The following LOXHD1 variants were observed in gnomAD, a reference collection of about 807,000 sequenced individuals.
LOXHD1 encodes lipoxygenase homology PLAT domains 1.
In LOXHD1, 205 loss-of-function variants were observed where a neutral mutation model predicts 248.2. That is an observed-to-expected ratio of 0.83 (90% CI 0.74 to 0.93). LOXHD1 has a LOEUF of 0.93. LOXHD1 is among the 40% of genes least tolerant of loss of function. The probability of loss-of-function intolerance (pLI) is 0.00; values close to 1 mark genes in which losing one functional copy is unlikely to be tolerated. For synonymous variants in LOXHD1, 1,113 were observed against 1,162.8 expected (o/e 0.96, Z 0.87); for missense variants, 2,930 against 2,971.6 (o/e 0.99, Z 0.33).
Position 46,601,277 on chromosome 18 carries a change from C to G in LOXHD1, c.1074G>C (p.Leu358=), listed in dbSNP as rs766075397. The G allele has an allele frequency of 2.6e-6, 4 of 1,551,614 alleles. No homozygotes were observed. In the South Asian group the frequency reaches 4.8e-5, roughly 18 times the overall value. Residue 358 remains leucine (L), a synonymous_variant, in exon 8 of 41, where the codon CTG becomes CTC. Coordinates refer to ENST00000642948, the MANE Select transcript of LOXHD1 (RefSeq NM_001384474.1). ...TGCCATGCCCGACGGAGACCCGACT[C>G]AGGGGGCTAAGGAGGACAGCCAGCT... ...HIELAVLLSP[L]SRVSVGHGNV...
chr18:46,581,950 C>T (rs1328389410), intron 12 of LOXHD1, among the ~76,000 whole-genome samples: 6 of 152,166 alleles, frequency 3.9e-5, no homozygotes, highest in Non-Finnish European at 1.5e-5. Context: ...CAAAAGCTAC[C>T]TTTCAAGAAT....
intron 8 of LOXHD1, among the ~76,000 whole-genome samples, chr18:46,599,584 AGATT>A (rs2038305106): frequency 6.6e-6 from 1 of 152,200 alleles, no homozygotes; most frequent in Non-Finnish European, 1.5e-5. Context: ...ATAAAGGAAA[AGATT>A]GATAAACTAG....
At chr18:46,579,091 T>C (rs1326862530) in intron 13 of LOXHD1, among the ~76,000 whole-genome samples, 1 of 152,240 alleles carries the variant, frequency 6.6e-6, no homozygotes, top group Non-Finnish European at 1.5e-5. Flanking sequence ...TTGATTTCTC[T>C]TTCCTAAAGG....
intron 2 of LOXHD1, among the ~76,000 whole-genome samples, chr18:46,647,701 A>G (rs1283324299): frequency 6.6e-6 from 1 of 152,176 alleles, no homozygotes; most frequent in African/African-American, 2.4e-5. Context: ...GGGACGTTAT[A>G]CCTGCCTCGA....
At chr18:46,511,418 G>T (rs1315180700) in intron 34 of LOXHD1, among the ~76,000 whole-genome samples, 2 of 152,148 alleles carry the variant, frequency 1.3e-5, no homozygotes, top group African/African-American at 4.8e-5. Flanking sequence ...CTACTCAAAG[G>T]ATCCTCTGCT....
intron 5 of LOXHD1, among the ~76,000 whole-genome samples, chr18:46,616,426 C>A (rs1040385204): frequency 1.3e-5 from 2 of 152,166 alleles, no homozygotes; most frequent in African/African-American, 4.8e-5. Context: ...CTCTCATCAT[C>A]CACTTTCCTT....
intron 6 of LOXHD1, among the ~76,000 whole-genome samples, chr18:46,606,739 T>A (rs1236365146): frequency 6.6e-6 from 1 of 152,204 alleles, no homozygotes; most frequent in African/African-American, 2.4e-5. Context: ...ATACATTTTA[T>A]ATATTACATA....
intron 4 of LOXHD1, among the ~76,000 whole-genome samples, chr18:46,626,533 A>G (rs904093598): frequency 6.6e-6 from 1 of 152,212 alleles, no homozygotes; most frequent in African/African-American, 2.4e-5. Context: ...GTGAGATGCC[A>G]TCTCAAAAAA....
At chr18:46,544,837 T>G (rs16978573) in intron 23 of LOXHD1, 1 of 471,570 alleles carries the variant, frequency 2.1e-6, no homozygotes, top group Non-Finnish European at 4.4e-6. Flanking sequence ...CACTAGGCTC[T>G]GGACCTGCAG....
intron 18 of LOXHD1, among the ~76,000 whole-genome samples, chr18:46,561,209 G>A (rs546779947): frequency 1.3e-5 from 2 of 152,306 alleles, no homozygotes; most frequent in South Asian, 2.1e-4. Context: ...GGGTTTAGCT[G>A]TGGTGCCGGT....
At chr18:46,513,310 T>C (rs1048491891) in intron 34 of LOXHD1, among the ~76,000 whole-genome samples, 15 of 152,206 alleles carry the variant, frequency 9.9e-5, no homozygotes, top group African/African-American at 3.6e-4. Context: ...GCCCCTGTGG[T>C]AGGCTGAAAA....
At chr18:46,606,092 A>C (rs556051387) in intron 6 of LOXHD1, among the ~76,000 whole-genome samples, 53 of 152,338 alleles carry the variant, frequency 3.5e-4, no homozygotes, top group Non-Finnish European at 6.0e-4. Context: ...AAATATCTTT[A>C]AAGACAGATA....
chr18:46,529,317 C>T lies in LOXHD1; in HGVS notation c.4390G>A (p.Val1464Met). ...GGAATGTTCCCTGTGAAGATCTGCACCGAGTACAGCACAACTGGGCAGGTG... is the reference window on the plus strand; with the variant it reads ...GGAATGTTCCCTGTGAAGATCTGCATCGAGTACAGCACAACTGGGCAGGTG... Reference protein sequence around the residue: ...EEPLDIVLYSVQIFTGNIPGA... With the variant: ...EEPLDIVLYSMQIFTGNIPGA... The change falls in exon 29 of 41, where the codon GTG (valine) becomes ATG (methionine). Residue 1464 changes from valine to methionine, a missense_variant. Val to Met is a conservative substitution (Grantham distance 21, BLOSUM62 1). Transcript: ENST00000642948. 6.5e-7 allele frequency: 1 copy of T among 1,548,008 alleles called. No homozygotes were observed.
At chr18:46,649,036 C>G in intron 2 of LOXHD1, 119 bp downstream of exon 2, 1 of 813,764 alleles carries the variant, frequency 1.2e-6, no homozygotes. Flanking sequence ...CTTCATACCA[C>G]TTAATAACCT....
intron 2 of LOXHD1, among the ~76,000 whole-genome samples, chr18:46,643,213 A>G (rs968349832): frequency 3.9e-5 from 6 of 152,298 alleles, no homozygotes; most frequent in African/African-American, 1.2e-4. Context: ...CAGGGAAAAG[A>G]GACCCCCACA....
At chr18:46,607,336 TAC>T (rs1488720355) in intron 6 of LOXHD1, among the ~76,000 whole-genome samples, 2 of 150,344 alleles carry the variant, frequency 1.3e-5, no homozygotes, top group African/African-American at 4.9e-5. Context: ...TGTGCATATA[TAC>T]ATGTACATAT....
At chr18:46,533,115 G>T in intron 28 of LOXHD1, 47 bp downstream of exon 28, 1 of 1,547,114 alleles carries the variant, frequency 6.5e-7, no homozygotes, top group Non-Finnish European at 8.7e-7. Context: ...GAGGACCAGG[G>T]TCCTGGAGCC....
At chr18:46,625,490 T>C (rs1358039460) in intron 4 of LOXHD1, among the ~76,000 whole-genome samples, 1 of 145,078 alleles carries the variant, frequency 6.9e-6, no homozygotes, top group Non-Finnish European at 1.5e-5. Context: ...CGATAGCTGA[T>C]GAGCTAAAAA....
intron 31 of LOXHD1, 104 bp from the exon 32 acceptor site, chr18:46,522,413 G>T: frequency 1.1e-6 from 1 of 904,260 alleles, no homozygotes; most frequent in Non-Finnish European, 1.7e-6. Context: ...ACTGATCTCA[G>T]CTCCTTGCTC....
Sources: allele counts gnomAD v4.1 joint callset (sites outside exome capture counted in the v4.1 genomes callset), GRCh38; gene constraint gnomAD v4.1.1; transcripts MANE v1.5; gene names NCBI Gene and HGNC (gene_info 2026-07-23, HGNC 2026-07-21).